ZNF469: variants seen among roughly 807,000 people sequenced by gnomAD.
The protein encoded by ZNF469 is zinc finger protein 469.
ZNF469 carries 1 observed loss-of-function variant against 1.0 expected under a neutral mutation model. The ratio of observed to expected loss-of-function variants is 1.00; its 90% confidence interval spans 0.35 to 4.73. ZNF469 has a LOEUF of 4.73. Ranked by LOEUF, ZNF469 falls within the 30% of genes most tolerant of loss-of-function variation. The pLI is 0.16. For synonymous variants in ZNF469, 2,703 were observed against 2,363.4 expected (o/e 1.14, Z -4.17); for missense variants, 6,100 against 5,356.3 (o/e 1.14, Z -4.33).
At chr16:88,261,650 C>T in the ZNF469 span, among the ~76,000 whole-genome samples, 2 of 152,134 alleles carry the variant, frequency 1.3e-5, no homozygotes, top group South Asian at 2.1e-4. This position sits in a 1 kb window ranked among gnomAD's most constrained non-coding sequence, Gnocchi z 6.0. Context: ...GAAAGTGACA[C>T]CTGCCTTTGA....
the ZNF469 span, among the ~76,000 whole-genome samples, chr16:88,185,777 C>T: frequency 2.0e-5 from 3 of 151,844 alleles, no homozygotes; most frequent in Non-Finnish European, 4.4e-5. Context: ...CATTCGCACA[C>T]TCACACATGT....
the ZNF469 span, among the ~76,000 whole-genome samples, chr16:88,108,733 G>C: frequency 6.6e-6 from 1 of 152,164 alleles, no homozygotes; most frequent in African/African-American, 2.4e-5. Context: ...GGGGGGCCAC[G>C]CATGTGTTTG....
chr16:88,253,691 C>G, the ZNF469 span, among the ~76,000 whole-genome samples: 3,653 of 151,678 alleles, frequency 0.024, 133 homozygotes, highest in African/African-American at 0.083. Context: ...GCGCCAGCCA[C>G]CATGCCTTGG....
chr16:88,117,866 G>T, the ZNF469 span, among the ~76,000 whole-genome samples: 6 of 152,260 alleles, frequency 3.9e-5, no homozygotes, highest in Non-Finnish European at 5.9e-5. Flanking sequence ...GGCAGCTATG[G>T]CAAAGGGAGG....
chr16:88,103,918 C>G, the ZNF469 span, among the ~76,000 whole-genome samples: 1 of 149,806 alleles, frequency 6.7e-6, no homozygotes, highest in African/African-American at 2.5e-5. Flanking sequence ...CACGAGGGGG[C>G]AGTGGAATAA....
the ZNF469 span, among the ~76,000 whole-genome samples, chr16:88,276,910 GC>G: frequency 6.8e-6 from 1 of 147,460 alleles, no homozygotes; most frequent in South Asian, 2.2e-4. Flanking sequence ...TTAGTGCTGT[GC>G]CACACTTATG....
At position 88,432,650 on chromosome 16, in the gene ZNF469, A is replaced by G; in HGVS notation, c.5180A>G (p.Lys1727Arg). The G allele has an allele frequency of 6.4e-7, 1 of 1,550,418 alleles. No individual in the cohort carries two copies. Among genetic ancestry groups the G allele is most frequent in the Non-Finnish European group, 8.7e-7 (1 of 1,146,970 alleles). Residue 1727 changes from lysine to arginine, a missense_variant, in exon 3 of 3, where the codon AAG (lysine) becomes AGG (arginine). Coordinates refer to ENST00000565624, the MANE Select transcript of ZNF469 (RefSeq NM_001367624.2). ...PQDVCLPEPS[K>R]QPGPQLDAGS... is the part of the protein sequence containing the mutation. ...GATGTCTGCCTGCCTGAGCCCAGCA[A>G]GCAGCCTGGCCCACAGCTGGATGCC... is the stretch of plus-strand genomic sequence containing the variant.
At chr16:88,197,682 T>G in the ZNF469 span, among the ~76,000 whole-genome samples, 1 of 152,222 alleles carries the variant, frequency 6.6e-6, no homozygotes, top group African/African-American at 2.4e-5. Flanking sequence ...GTGTGGGCCT[T>G]GTGGTCCTGC....
chr16:88,279,172 C>CGTT, the ZNF469 span, among the ~76,000 whole-genome samples: 1 of 132,834 alleles, frequency 7.5e-6, no homozygotes, highest in Non-Finnish European at 1.7e-5. Context: ...GTGTAGATAT[C>CGTT]AGTGCACGGT....
the ZNF469 span, among the ~76,000 whole-genome samples, chr16:88,183,926 G>A: frequency 1.3e-5 from 2 of 152,008 alleles, no homozygotes; most frequent in Non-Finnish European, 2.9e-5. Context: ...AGGTCCTGTA[G>A]GGAGTGGGGA....
chr16:88,264,904 TG>T, the ZNF469 span, among the ~76,000 whole-genome samples: 6 of 152,146 alleles, frequency 3.9e-5, no homozygotes, highest in Non-Finnish European at 4.4e-5. Flanking sequence ...AGGGTGACCG[TG>T]GCCTCTCCCC....
the ZNF469 span, among the ~76,000 whole-genome samples, chr16:88,152,736 G>T: frequency 2.0e-5 from 3 of 152,248 alleles, no homozygotes; most frequent in African/African-American, 7.2e-5. This position sits in a 1 kb window ranked among gnomAD's most constrained non-coding sequence, Gnocchi z 4.2. Context: ...TTCATTTCCA[G>T]AGAAACTGTC....
At chr16:88,185,382 G>T in the ZNF469 span, among the ~76,000 whole-genome samples, 6 of 123,000 alleles carry the variant, frequency 4.9e-5, 1 homozygote, top group South Asian at 6.4e-4. Flanking sequence ...ACTTGTGTGT[G>T]CAGAGAACAC....
the ZNF469 span, among the ~76,000 whole-genome samples, chr16:88,328,448 G>T: frequency 6.6e-6 from 1 of 152,162 alleles, no homozygotes; most frequent in Non-Finnish European, 1.5e-5. Flanking sequence ...CTCAGCCGGG[G>T]CCTGGCCGCA....
chr16:88,259,229 C>T, the ZNF469 span, among the ~76,000 whole-genome samples: 1 of 152,086 alleles, frequency 6.6e-6, no homozygotes, highest in African/African-American at 2.4e-5. The surrounding 1 kb of genome is among the most constrained non-coding windows in gnomAD (Gnocchi z 4.1). Context: ...AGTGGGATTT[C>T]CTCCCGGGCA....
chr16:88,274,050 G>C, the ZNF469 span, among the ~76,000 whole-genome samples: 1 of 152,104 alleles, frequency 6.6e-6, no homozygotes, highest in East Asian at 1.9e-4. Context: ...TGATCCGCCT[G>C]CCTCGGCCTC....
chr16:88,431,387 G>T lies in ZNF469; in HGVS notation c.3917G>T (p.Gly1306Val). The T allele has an allele frequency of 6.5e-7, 1 of 1,550,116 alleles. No homozygotes were observed. The highest frequency in any genetic ancestry group is 8.7e-7 in the Non-Finnish European group (1 of 1,146,958). Residue 1306 changes from glycine to valine, a missense_variant, in exon 3 of 3, where the codon GGG (glycine) becomes GTG (valine). Physicochemically the swap from Gly to Val is moderately radical, Grantham distance 109 (BLOSUM62 -3). Transcript: ENST00000565624. ...PGVGSLLGGP[G>V]GTQAPVSHNS... is the part of the protein sequence containing the mutation. ...GTGGGCAGCCTGCTGGGTGGTCCTG[G>T]GGGCACACAGGCCCCAGTCTCCCAC...
chr16:88,119,616 T>C, the ZNF469 span, among the ~76,000 whole-genome samples: 2 of 152,088 alleles, frequency 1.3e-5, no homozygotes. Context: ...ACGCAGAGGA[T>C]GGGGTGGAGA....
At chr16:88,221,513 C>A in the ZNF469 span, among the ~76,000 whole-genome samples, 1 of 152,200 alleles carries the variant, frequency 6.6e-6, no homozygotes, top group Admixed American at 6.5e-5. Context: ...GGACGGGAAG[C>A]CTTCTGAGCG....
Sources: allele counts gnomAD v4.1 joint callset (sites outside exome capture counted in the v4.1 genomes callset), GRCh38; gene constraint gnomAD v4.1.1; non-coding constraint Gnocchi (gnomAD v3.1); transcripts MANE v1.5; gene names NCBI Gene and HGNC (gene_info 2026-07-23, HGNC 2026-07-21).